PHKA1: variants seen among roughly 807,000 people sequenced by gnomAD.
The protein encoded by PHKA1 is phosphorylase kinase regulatory subunit alpha 1, also known as phosphorylase b kinase regulatory subunit alpha, skeletal muscle isoform.
Under a neutral mutation model 110.2 loss-of-function variants are expected in PHKA1, and 60 were observed. That is an observed-to-expected ratio of 0.54 (90% CI 0.44 to 0.68). The LOEUF is 0.68. Among genes scored for constraint, PHKA1 ranks in the 30% least tolerant of loss-of-function variants. The pLI, the probability that PHKA1 is intolerant of heterozygous loss-of-function variation, is 0.00. For missense variants in PHKA1, 801 were observed against 942.5 expected, an observed-to-expected ratio of 0.85 and a Z score of 1.97; for synonymous variants, 316 against 333.6, an observed-to-expected ratio of 0.95 and a Z score of 0.58.
At chrX:72,610,939 C>T in intron 22 of PHKA1, 89 bp downstream of exon 22, 2 of 654,020 alleles carry the variant, frequency 3.1e-6, no homozygotes, top group East Asian at 3.5e-5. Context: ...TGGTTAGAGG[C>T]TATGGTTGTT....
rs782129957 is a variant in PHKA1 at position 72,602,230 on chromosome X, G to A, written c.2961C>T (p.His987=). The part of the protein sequence containing the change: ...DSNVSPAISI[H]EIGAVGATKT... ...TGGTTGCTCCAACAGCACCAATCTCGTGGATAGAAATAGCAGGACTGACAT... is the reference window on the plus strand; with the variant it reads ...TGGTTGCTCCAACAGCACCAATCTCATGGATAGAAATAGCAGGACTGACAT... The change falls in exon 27 of 32, where the codon CAC becomes CAT. Residue 987 remains histidine (H), a synonymous_variant. Coordinates refer to ENST00000373542, the MANE Select transcript of PHKA1 (RefSeq NM_002637.4). 11 of 1,200,896 alleles carry A rather than the reference G, an allele frequency of 9.2e-6. No individual in the cohort carries two copies. Among genetic ancestry groups the A allele is most frequent in the Admixed American group, 6.6e-5 (3 of 45,561 alleles).
At chrX:72,624,910 A>G (rs1013543553) in intron 17 of PHKA1, among the ~76,000 whole-genome samples, 15 of 111,880 alleles carry the variant, frequency 1.3e-4, no homozygotes, top group African/African-American at 4.9e-4. Context: ...AATGTAATGA[A>G]AACTCTCATG....
At chrX:72,634,864 C>A (rs782089127) in intron 16 of PHKA1, among the ~76,000 whole-genome samples, 1 of 112,098 alleles carries the variant, frequency 8.9e-6, no homozygotes, top group East Asian at 2.8e-4. Context: ...TATCTGAAAA[C>A]TATTCAATTA....
intron 14 of PHKA1, among the ~76,000 whole-genome samples, chrX:72,640,102 A>G (rs781894112): frequency 8.9e-6 from 1 of 112,130 alleles, no homozygotes; most frequent in African/African-American, 3.2e-5. Context: ...GTGAAAATGT[A>G]TTTGACCTAG....
chrX:72,625,335 A>G (rs1420697185), intron 17 of PHKA1, among the ~76,000 whole-genome samples: 3 of 111,822 alleles, frequency 2.7e-5, no homozygotes, highest in Non-Finnish European at 5.6e-5. Flanking sequence ...GTTCCCACTT[A>G]TAAGAGAGAA....
rs781803498 is a variant in PHKA1, at chrX:72,666,237, G to A, written c.778C>T (p.Leu260Phe). The A allele has an allele frequency of 4.9e-5, 59 of 1,208,131 alleles. No individual in the cohort carries two copies. The South Asian group carries it at 9.7e-4, about 20-fold the overall frequency. ...STSKEVDASL[L>F]SVVSFPAFAV... ...AAGGCAGGGAAGGAAACCACTGAGA[G>A]TAGACTAGCATCAACCTCTTTTGAT... Residue 260 changes from leucine to phenylalanine, a missense_variant, in exon 8 of 32, where the codon CTC becomes TTC. Leu to Phe is a conservative substitution (Grantham distance 22). Coordinates refer to ENST00000373542, the MANE Select transcript of PHKA1 (RefSeq NM_002637.4).
intron 4 of PHKA1, chrX:72,688,946 T>C (rs1464965972): frequency 8.9e-6 from 1 of 111,955 alleles, no homozygotes; most frequent in African/African-American, 3.3e-5. Flanking sequence ...GGAGGACCTC[T>C]GGATCCTGTG....
At chrX:72,675,959 AAAT>A (rs782804475) in intron 6 of PHKA1, 108 bp downstream of exon 6, 8 of 586,643 alleles carry the variant, frequency 1.4e-5, no homozygotes, top group Non-Finnish European at 2.0e-5. Context: ...CTGTGGTTTA[AAAT>A]AATAATTAAT....
Position 72,614,166 on chromosome X carries a change from C to G in PHKA1, c.2370-2982G>C, listed in dbSNP as rs12687017. On this transcript the variant is annotated intron_variant, in intron 21 of 31. Transcript: ENST00000373542. Reference sequence around the variant, plus strand: ...TTATGTAGGAGAGTTCATAATTTTTCAGAAATAAACACTGAATTATTTAGG... The same window carrying G: ...TTATGTAGGAGAGTTCATAATTTTTGAGAAATAAACACTGAATTATTTAGG... Among the ~76,000 whole-genome samples, 51 of 111,678 alleles carry G rather than the reference C, an allele frequency of 4.6e-4. No homozygotes were observed. The East Asian group carries it at 9.5e-3, about 21-fold the overall frequency.
At chrX:72,582,282 AAAG>A in intron 31 of PHKA1, 113 bp downstream of exon 31, 1 of 531,019 alleles carries the variant, frequency 1.9e-6, no homozygotes, top group South Asian at 2.8e-5. Context: ...GGGGCCCAAA[AAAG>A]AAGTATGAGG....
Position 72,707,105 on chromosome X carries a change from A to T in PHKA1, c.238-1860T>A, listed in dbSNP as rs1173440576. Among the ~76,000 whole-genome samples the T allele has an allele frequency of 4.5e-5, 5 of 111,454 alleles. No homozygotes were observed. The Admixed American group carries it at 4.8e-4, about 11-fold the overall frequency. ...CCTCTTGCCTATTCTTTTTGACGACATAAATCAATATATATCTGTGAACTG... is the reference window on the plus strand; with the variant it reads ...CCTCTTGCCTATTCTTTTTGACGACTTAAATCAATATATATCTGTGAACTG... On this transcript the variant is annotated intron_variant, in intron 2 of 31. Transcript: ENST00000373542.
At chrX:72,658,458 CAAA>C (rs34964050) in intron 8 of PHKA1, among the ~76,000 whole-genome samples, 2 of 40,421 alleles carry the variant, frequency 4.9e-5, no homozygotes, top group Admixed American at 2.4e-4. Context: ...GACTTTGTTT[CAAA>C]AAAAAAAAAA....
intron 6 of PHKA1, among the ~76,000 whole-genome samples, chrX:72,670,097 G>A (rs928027585): frequency 9.0e-6 from 1 of 111,680 alleles, no homozygotes; most frequent in African/African-American, 3.3e-5. Context: ...ATGGTATCTC[G>A]TTGTGGTTTT....
chrX:72,674,545 C>T (rs1556310779), intron 6 of PHKA1, among the ~76,000 whole-genome samples: 1 of 111,973 alleles, frequency 8.9e-6, no homozygotes, highest in Non-Finnish European at 1.9e-5. Flanking sequence ...ATTTGCATTT[C>T]TCTGATGGCC....
rs1283367390 is a variant in PHKA1 at position 72,618,601 on chromosome X, C to T, written c.2369+109G>A. The T allele has an allele frequency of 1.1e-5, 7 of 652,822 alleles. No homozygotes were observed. In the East Asian group the frequency reaches 2.3e-4, roughly 22 times the overall value. 53.8% of individuals were successfully genotyped at this position (652,822 alleles called of 1,213,427 possible). A position where few individuals can be genotyped will look rare whatever the true frequency, so the allele number is the denominator to read the frequency against. On this transcript the variant is annotated intron_variant, in intron 21 of 31. Transcript: ENST00000373542. ...GTCACATGATGGATAGGTTGTTAAACTATATTCAATTCCAGATCAGCGAAA... is the reference window on the plus strand; with the variant it reads ...GTCACATGATGGATAGGTTGTTAAATTATATTCAATTCCAGATCAGCGAAA...
chrX:72,594,703 C>G (rs999308820), intron 28 of PHKA1, among the ~76,000 whole-genome samples: 2 of 112,698 alleles, frequency 1.8e-5, no homozygotes, highest in Non-Finnish European at 3.7e-5. Flanking sequence ...GTATTCCCAG[C>G]TACTCGGGAG....
intron 2 of PHKA1, among the ~76,000 whole-genome samples, chrX:72,707,488 C>G (rs1404719251): frequency 9.0e-6 from 1 of 110,675 alleles, no homozygotes; most frequent in Non-Finnish European, 1.9e-5. Flanking sequence ...ATATCTGTCT[C>G]CCCCATCAGA....
At chrX:72,673,764 T>C (rs373487898) in intron 6 of PHKA1, among the ~76,000 whole-genome samples, 2 of 110,608 alleles carry the variant, frequency 1.8e-5, no homozygotes, top group East Asian at 5.7e-4. Context: ...TGTAAACTAG[T>C]GGAAATATTT....
At chrX:72,622,764 C>T (rs1556279458) in intron 18 of PHKA1, 2 of 739,520 alleles carry the variant, frequency 2.7e-6, no homozygotes, top group Non-Finnish European at 3.2e-6. Context: ...AAAAGCAGTA[C>T]TGTATATGTA....
Sources: gnomAD v4.1 joint callset for allele counts (sites outside exome capture counted in the v4.1 genomes callset) on GRCh38, gnomAD v4.1.1 for gene constraint, MANE v1.5 for transcripts, NCBI Gene and HGNC (gene_info 2026-07-23, HGNC 2026-07-21) for gene names.